OPCML: variants seen among roughly 807,000 people sequenced by gnomAD.
OPCML encodes the protein opioid-binding protein/cell adhesion molecule.
In OPCML, 13 loss-of-function variants were observed where a neutral mutation model predicts 37.8. That is an observed-to-expected ratio of 0.34 (90% CI 0.22 to 0.55). The LOEUF (loss-of-function observed/expected upper bound fraction) is 0.55, where lower values mean the gene tolerates loss of function less well. Among genes scored for constraint, OPCML ranks in the 20% least tolerant of loss-of-function variants. OPCML has a pLI of 0.91. For missense variants in OPCML, 341 were observed against 435.6 expected (o/e 0.78, Z 1.93); for synonymous variants, 176 against 168.8 (o/e 1.04, Z -0.33).
intron 1 of OPCML, among the ~76,000 whole-genome samples, chr11:133,207,791 CCGTCA>C (rs1325908485): frequency 1.2e-4 from 19 of 152,144 alleles, no homozygotes; most frequent in Admixed American, 1.1e-3. Context: ...AGATACATTG[CCGTCA>C]CTATGATTAT....
chr11:132,696,363 A>C (rs1943598881), intron 2 of OPCML, among the ~76,000 whole-genome samples: 1 of 152,204 alleles, frequency 6.6e-6, no homozygotes, highest in East Asian at 1.9e-4. Context: ...TATATATGAC[A>C]ATCACAAAAT....
rs1378789984 is a variant in OPCML at position 132,416,144 on chromosome 11, C to A, written c.*4049G>T. ...AATGCATTTTTTCCAAAAAGAAAAA[C>A]CTTATGCTGCTTCCCTTAATTCCAA... On this transcript the variant is annotated 3_prime_UTR_variant, in exon 8 of 8. Transcript: ENST00000524381. 1.3e-5 allele frequency: 2 copies of A among 152,176 alleles called. No individual in the cohort carries two copies. Among genetic ancestry groups the A allele is most frequent in the Non-Finnish European group, 1.5e-5 (1 of 68,028 alleles). 9.4% of individuals were successfully genotyped at this position (152,176 alleles called of 1,614,324 possible).
At chr11:132,462,452 G>C (rs191328088) in intron 4 of OPCML, among the ~76,000 whole-genome samples, 1 of 152,310 alleles carries the variant, frequency 6.6e-6, no homozygotes, top group Admixed American at 6.5e-5. Flanking sequence ...GGAGATCACA[G>C]GAAAGCTGGG....
At chr11:133,494,640 A>G (rs190363738) in intron 1 of OPCML, among the ~76,000 whole-genome samples, 4,944 of 144,340 alleles carry the variant, frequency 0.034, 116 homozygotes, top group South Asian at 0.083. Context: ...CAAACACTGC[A>G]TGTTCTCACT....
chr11:133,065,993 T>C, intron 1 of OPCML: 1 of 152,994 alleles, frequency 6.5e-6, no homozygotes, highest in Non-Finnish European at 1.5e-5. Flanking sequence ...CATTCGTCCA[T>C]CCCCTCCTGA....
chr11:133,526,214 C>T (rs1205431537), intron 1 of OPCML, among the ~76,000 whole-genome samples: 1 of 152,178 alleles, frequency 6.6e-6, no homozygotes, highest in Non-Finnish European at 1.5e-5. Flanking sequence ...AAGAAGCACT[C>T]ACACATGTAT....
At chr11:132,546,056 C>A (rs1029474351) in intron 3 of OPCML, among the ~76,000 whole-genome samples, 4 of 152,194 alleles carry the variant, frequency 2.6e-5, no homozygotes, top group Non-Finnish European at 5.9e-5. Context: ...CAGAAGTCTT[C>A]TCAGAAGCTT....
In OPCML at chr11:133,455,429, T is replaced by C. The variant is rs886177727; in HGVS notation, c.61+76835A>G. Among the ~76,000 whole-genome samples the C allele has an allele frequency of 5.9e-5, 9 of 152,194 alleles. 1 individual carries two copies. Among genetic ancestry groups the C allele is most frequent in the Admixed American group, 1.3e-4 (2 of 15,272 alleles). ...GGGGGTTCTTTTTGCATCTAATGAA[T>C]GTTCTCAGTTAGAAAAATCAAACCC... On this transcript the variant is annotated intron_variant, in intron 1 of 7. Transcript: ENST00000524381.
At chr11:133,315,191 C>A (rs1943176832) in intron 1 of OPCML, among the ~76,000 whole-genome samples, 1 of 152,152 alleles carries the variant, frequency 6.6e-6, no homozygotes, top group Non-Finnish European at 1.5e-5. Context: ...AGCCATGTAT[C>A]TACTTTTCCT....
At chr11:132,759,446 A>T (rs1946182575) in intron 2 of OPCML, among the ~76,000 whole-genome samples, 1 of 151,988 alleles carries the variant, frequency 6.6e-6, no homozygotes. Context: ...TTTTTTGGTT[A>T]GTAGGCTATT....
At chr11:132,724,778 C>T (rs147847796) in intron 2 of OPCML, among the ~76,000 whole-genome samples, 6,657 of 152,208 alleles carry the variant, frequency 0.044, 400 homozygotes, top group African/African-American at 0.14. Flanking sequence ...CCATTCCAAA[C>T]GGAAGAAATT....
At chr11:132,890,336 C>T (rs932709469) in intron 2 of OPCML, among the ~76,000 whole-genome samples, 2 of 152,094 alleles carry the variant, frequency 1.3e-5, no homozygotes, top group African/African-American at 4.8e-5. Flanking sequence ...ACAAAAGAGC[C>T]AACATATGAA....
intron 1 of OPCML, among the ~76,000 whole-genome samples, chr11:133,502,557 T>C (rs1436728059): frequency 6.6e-6 from 1 of 152,218 alleles, no homozygotes; most frequent in African/African-American, 2.4e-5. Context: ...AGGCAGAGCC[T>C]CTAAACATAT....
At chr11:132,953,805 T>C (rs1476851958) in intron 1 of OPCML, among the ~76,000 whole-genome samples, 1 of 152,126 alleles carries the variant, frequency 6.6e-6, no homozygotes, top group Non-Finnish European at 1.5e-5. Flanking sequence ...GGACCAAGCT[T>C]CTCTGAGCCC....
chr11:132,484,320 C>G (rs1417343518), intron 4 of OPCML, among the ~76,000 whole-genome samples: 1 of 152,182 alleles, frequency 6.6e-6, no homozygotes, highest in African/African-American at 2.4e-5. Flanking sequence ...TGAAAAAATG[C>G]TCACCATCAC....
At chr11:132,571,522 G>A (rs1360764476) in intron 3 of OPCML, among the ~76,000 whole-genome samples, 1 of 152,166 alleles carries the variant, frequency 6.6e-6, no homozygotes, top group Non-Finnish European at 1.5e-5. Flanking sequence ...GGATCATGCA[G>A]TATTTGTCTT....
chr11:133,175,223 C>T (rs1051170035), intron 1 of OPCML, among the ~76,000 whole-genome samples: 1 of 152,138 alleles, frequency 6.6e-6, no homozygotes, highest in African/African-American at 2.4e-5. Flanking sequence ...TGTGGGCAGA[C>T]AGAAGAAGAC....
At chr11:132,745,563 C>CAAAAAAAAAAAAAAAAAAA (rs10562857) in intron 2 of OPCML, among the ~76,000 whole-genome samples, 1 of 102,980 alleles carries the variant, frequency 9.7e-6, no homozygotes, top group Admixed American at 1.1e-4. Context: ...TGCTGTCTTG[C>CAAAAAAAAAAAAAAAAAAA]AAAAAAAAAA....
intron 2 of OPCML, among the ~76,000 whole-genome samples, chr11:132,840,408 G>A (rs778825929): frequency 1.3e-5 from 2 of 152,308 alleles, no homozygotes; most frequent in Non-Finnish European, 2.9e-5. Flanking sequence ...GGTGGAAGGC[G>A]CTGGGCCCAG....
Sources: allele counts gnomAD v4.1 joint callset (sites outside exome capture counted in the v4.1 genomes callset), GRCh38; gene constraint gnomAD v4.1.1; transcripts MANE v1.5; gene names NCBI Gene and HGNC (gene_info 2026-07-23, HGNC 2026-07-21).